TENM4: variants seen among roughly 807,000 people sequenced by gnomAD.
TENM4 encodes teneurin-4.
In TENM4, 82 loss-of-function variants were observed where a neutral mutation model predicts 243.3. The observed-to-expected ratio is 0.34, with a 90% CI of 0.28 to 0.40. The LOEUF is 0.40. Ranked by LOEUF, TENM4 falls within the 10% of genes least tolerant of loss-of-function variation. The pLI is 1.00. For missense variants in TENM4, 3,138 were observed against 3,673.3 expected (o/e 0.85, Z 3.77); for synonymous variants, 1,412 against 1,456.3 (o/e 0.97, Z 0.69).
chr11:79,301,363 A>C (rs1398751556), intron 1 of TENM4, among the ~76,000 whole-genome samples: 1 of 152,116 alleles, frequency 6.6e-6, no homozygotes, highest in Non-Finnish European at 1.5e-5. Flanking sequence ...AGGTTTGCGA[A>C]TATCAAGACC....
chr11:78,762,327 T>C (rs1856448470), intron 18 of TENM4, among the ~76,000 whole-genome samples: 1 of 152,108 alleles, frequency 6.6e-6, no homozygotes. Flanking sequence ...GGCCCTATAC[T>C]GGCCCCTCCC....
chr11:78,859,460 G>C (rs2136215784), intron 10 of TENM4, among the ~76,000 whole-genome samples: 1 of 152,318 alleles, frequency 6.6e-6, no homozygotes, highest in Admixed American at 6.5e-5. Flanking sequence ...CCATAGCAAT[G>C]CTGTGCAAAT....
At chr11:79,251,894 A>T (rs1855617695) in intron 2 of TENM4, among the ~76,000 whole-genome samples, 1 of 152,202 alleles carries the variant, frequency 6.6e-6, no homozygotes, top group South Asian at 2.1e-4. Context: ...GATATTTAGT[A>T]AAATAAAAAA....
At chr11:78,960,624 ATC>A (rs796682117) in intron 6 of TENM4, among the ~76,000 whole-genome samples, 20 of 152,186 alleles carry the variant, frequency 1.3e-4, no homozygotes, top group African/African-American at 4.8e-4. Context: ...ACCCTTGGTA[ATC>A]TCTGTCTGGC....
At chr11:79,085,764 A>C (rs999917999) in intron 4 of TENM4, among the ~76,000 whole-genome samples, 6 of 152,312 alleles carry the variant, frequency 3.9e-5, no homozygotes, top group East Asian at 3.9e-4. Flanking sequence ...CAAGGTTGAA[A>C]ATTGAAGTCA....
At chr11:79,154,080 T>C (rs1368502774) in intron 3 of TENM4, among the ~76,000 whole-genome samples, 1 of 152,100 alleles carries the variant, frequency 6.6e-6, no homozygotes, top group Non-Finnish European at 1.5e-5. Flanking sequence ...GAGCTTCCTC[T>C]TGCTGCTTGT....
At chr11:79,306,726 C>A (rs1456285025) in intron 1 of TENM4, among the ~76,000 whole-genome samples, 1 of 152,128 alleles carries the variant, frequency 6.6e-6, no homozygotes, top group Non-Finnish European at 1.5e-5. Context: ...ATATTATCAC[C>A]ATGCCCATTT....
chr11:78,863,206 G>A (rs777749290), intron 9 of TENM4, 74 bp from the exon 10 acceptor site: 28 of 1,406,326 alleles, frequency 2.0e-5, no homozygotes, highest in Non-Finnish European at 2.6e-5. Context: ...ATAAGGGAAA[G>A]GTGGGCAGGG....
intron 3 of TENM4, among the ~76,000 whole-genome samples, chr11:79,167,446 T>G (rs1862939133): frequency 6.6e-6 from 1 of 152,104 alleles, no homozygotes; most frequent in South Asian, 2.1e-4. Flanking sequence ...CCTCAACTAA[T>G]CCATAGAGCA....
chr11:79,426,797 G>A (rs1000485925), intron 1 of TENM4, among the ~76,000 whole-genome samples: 1 of 152,182 alleles, frequency 6.6e-6, no homozygotes, highest in Non-Finnish European at 1.5e-5. Context: ...GATGTGTTAG[G>A]TGTGAGACAC....
chr11:79,090,048 C>A (rs1392953031), intron 4 of TENM4, among the ~76,000 whole-genome samples: 5 of 152,132 alleles, frequency 3.3e-5, no homozygotes, highest in African/African-American at 4.8e-5. Context: ...AGCTGTGAAG[C>A]ACTATACAAA....
chr11:78,684,592 T>C (rs1408537367), intron 29 of TENM4, among the ~76,000 whole-genome samples: 1 of 152,104 alleles, frequency 6.6e-6, no homozygotes, highest in African/African-American at 2.4e-5. Context: ...CTGACCATGG[T>C]CCTGGAATAG....
intron 6 of TENM4, among the ~76,000 whole-genome samples, chr11:78,941,025 A>C (rs1433891000): frequency 6.6e-6 from 1 of 152,222 alleles, no homozygotes; most frequent in Non-Finnish European, 1.5e-5. Flanking sequence ...AAGAGTGAAC[A>C]AACATCCTGC....
intron 19 of TENM4, among the ~76,000 whole-genome samples, chr11:78,753,780 A>G (rs1856243710): frequency 6.6e-6 from 1 of 152,168 alleles, no homozygotes; most frequent in Non-Finnish European, 1.5e-5. Context: ...TTTGTAGAGC[A>G]AATACTATAT....
intron 1 of TENM4, among the ~76,000 whole-genome samples, chr11:79,412,854 C>T (rs1469031425): frequency 6.6e-6 from 1 of 152,180 alleles, no homozygotes; most frequent in African/African-American, 2.4e-5. Flanking sequence ...CAGCCTATTC[C>T]ATGAGCATCT....
At chr11:78,982,079 A>G (rs1418412629) in intron 6 of TENM4, among the ~76,000 whole-genome samples, 2 of 152,178 alleles carry the variant, frequency 1.3e-5, no homozygotes, top group African/African-American at 4.8e-5. Context: ...TCTTCAACCG[A>G]TAAGTAGGAT....
At chr11:78,670,685 G>A (rs1047278097) in intron 31 of TENM4, 134 bp from the exon 32 acceptor site, 2 of 888,844 alleles carry the variant, frequency 2.3e-6, no homozygotes, top group Non-Finnish European at 3.4e-6. Context: ...CTTGAGTTAT[G>A]CTCCAACCAG....
At chr11:78,733,247 T>A (rs1478101435) in intron 20 of TENM4, among the ~76,000 whole-genome samples, 1 of 152,208 alleles carries the variant, frequency 6.6e-6, no homozygotes, top group Non-Finnish European at 1.5e-5. Flanking sequence ...GCCAGCCTCC[T>A]AGTTGAGATG....
intron 2 of TENM4, among the ~76,000 whole-genome samples, chr11:79,230,526 G>C (rs556965732): frequency 6.6e-6 from 1 of 152,198 alleles, no homozygotes; most frequent in African/African-American, 2.4e-5. Flanking sequence ...CCTGTGGCTA[G>C]CTTGGGAACC....
Sources: allele counts gnomAD v4.1 joint callset (sites outside exome capture counted in the v4.1 genomes callset), GRCh38; gene constraint gnomAD v4.1.1; transcripts MANE v1.5; gene names NCBI Gene and HGNC (gene_info 2026-07-23, HGNC 2026-07-21).